SLC8A1: variants seen among roughly 807,000 people sequenced by gnomAD.
SLC8A1 encodes sodium/calcium exchanger 1.
A neutral mutation model predicts 68.3 loss-of-function variants in SLC8A1; 18 were observed. The observed-to-expected ratio is 0.26, with a 90% CI of 0.18 to 0.39. The LOEUF (loss-of-function observed/expected upper bound fraction) is 0.39, where lower values mean the gene tolerates loss of function less well. Ranked by LOEUF, SLC8A1 falls within the 10% of genes least tolerant of loss-of-function variation. The pLI is 1.00. For synonymous variants in SLC8A1, 475 were observed against 415.5 expected, an observed-to-expected ratio of 1.14 and a Z score of -1.74; for missense variants, 985 against 1,156.7, an observed-to-expected ratio of 0.85 and a Z score of 2.15.
chr2:40,301,460 G>C (rs1009105496), intron 2 of SLC8A1, among the ~76,000 whole-genome samples: 2 of 152,292 alleles, frequency 1.3e-5, no homozygotes, highest in Non-Finnish European at 2.9e-5. Context: ...GAGGGAACTG[G>C]AGACTATTAT....
At chr2:40,502,005 A>T (rs1269564157) in intron 1 of SLC8A1, among the ~76,000 whole-genome samples, 1 of 152,052 alleles carries the variant, frequency 6.6e-6, no homozygotes, top group African/African-American at 2.4e-5. Context: ...ACGTCTTAAC[A>T]TCATCCTCAC....
intron 2 of SLC8A1, among the ~76,000 whole-genome samples, chr2:40,396,748 T>TAAAAAAAAAAAAACAAAAA (rs1687032611): frequency 1.1e-5 from 1 of 87,086 alleles, no homozygotes; most frequent in Non-Finnish European, 2.1e-5. Flanking sequence ...CTCTAATAAC[T>TAAAAAAAAAAAAACAAAAA]AAAAAAAAAA....
chr2:40,395,101 A>G (rs1686498273), intron 2 of SLC8A1, among the ~76,000 whole-genome samples: 1 of 152,198 alleles, frequency 6.6e-6, no homozygotes, highest in South Asian at 2.1e-4. Context: ...GTGCTCTTTA[A>G]GACAAAAGTT....
chr2:40,229,353 A>C (rs2059365472), intron 2 of SLC8A1, among the ~76,000 whole-genome samples: 1 of 152,184 alleles, frequency 6.6e-6, no homozygotes, highest in African/African-American at 2.4e-5. Flanking sequence ...ATAAATAAAT[A>C]TATTTGTAAT....
intron 2 of SLC8A1, among the ~76,000 whole-genome samples, chr2:40,306,964 G>C (rs1487402272): frequency 6.6e-6 from 1 of 151,952 alleles, no homozygotes; most frequent in Non-Finnish European, 1.5e-5. Flanking sequence ...TTCTGTTTTA[G>C]TCCATAAGTT....
At chr2:40,451,698 C>CCT (rs1702517274) in intron 1 of SLC8A1, among the ~76,000 whole-genome samples, 1 of 151,216 alleles carries the variant, frequency 6.6e-6, no homozygotes, top group African/African-American at 2.4e-5. Flanking sequence ...CTGGGAAGCG[C>CCT]GGACACCCAG....
chr2:40,242,066 T>C (rs1270198834), intron 2 of SLC8A1, among the ~76,000 whole-genome samples: 1 of 152,132 alleles, frequency 6.6e-6, no homozygotes, highest in Non-Finnish European at 1.5e-5. Context: ...GGCTATGATG[T>C]CTCCATTTTG....
chr2:40,356,627 A>T (rs1672743828), intron 2 of SLC8A1, among the ~76,000 whole-genome samples: 1 of 152,134 alleles, frequency 6.6e-6, no homozygotes, highest in Non-Finnish European at 1.5e-5. Flanking sequence ...TGCCTGTCAA[A>T]TGTATTGGAT....
At chr2:40,377,883 T>A (rs1197228862) in intron 2 of SLC8A1, among the ~76,000 whole-genome samples, 3 of 152,150 alleles carry the variant, frequency 2.0e-5, no homozygotes, top group Non-Finnish European at 4.4e-5. Context: ...TTGTGTCCTA[T>A]GGTCATCAAT....
At chr2:40,127,587 T>A (rs2038407685) in intron 7 of SLC8A1, among the ~76,000 whole-genome samples, 1 of 152,220 alleles carries the variant, frequency 6.6e-6, no homozygotes, top group Admixed American at 6.5e-5. Context: ...AGGCTATGAT[T>A]AATCCTCTGG....
At chr2:40,109,993 C>A (rs1389431429) in exon 8 of SLC8A1, 1 of 152,166 alleles carries the variant, frequency 6.6e-6, no homozygotes, top group African/African-American at 2.4e-5. Flanking sequence ...TACATAACCA[C>A]TGATTTAAAT....
exon 8 of SLC8A1, chr2:40,113,023 T>C (rs1045794374): frequency 1.3e-5 from 2 of 152,366 alleles, no homozygotes; most frequent in Non-Finnish European, 1.5e-5. Flanking sequence ...CCATATGGCT[T>C]TCTTCACTTT....
At chr2:40,456,586 A>C (rs1703037716), upstream of SLC8A1, among the ~76,000 whole-genome samples, 2 of 152,148 alleles carry the variant, frequency 1.3e-5, no homozygotes, top group Admixed American at 1.3e-4. Context: ...GAAGCTTTTT[A>C]ACCTCTTAAA....
chr2:40,252,481 C>T (rs1005230128), intron 2 of SLC8A1, among the ~76,000 whole-genome samples: 7 of 152,038 alleles, frequency 4.6e-5, no homozygotes, highest in African/African-American at 7.2e-5. Flanking sequence ...GACAGGCGCC[C>T]GCCACCAAGC....
rs866761846 is a variant in SLC8A1 at position 40,328,195 on chromosome 2, T to C, written c.1808+100278A>G. Among the ~76,000 whole-genome samples the C allele has an allele frequency of 2.6e-5, 4 of 152,132 alleles. No individual in the cohort carries two copies. The South Asian group carries it at 8.3e-4, about 31-fold the overall frequency. The stretch of plus-strand genomic sequence containing the variant: ...GAGTAAAAAGAAAAGAAATTAACCA[T>C]TCCAAGGAATTTTCTGTGACTTAAA... On this transcript the variant is annotated intron_variant, in intron 2 of 7. Coordinates refer to ENST00000406785, the Ensembl canonical transcript of SLC8A1.
intron 1 of SLC8A1, among the ~76,000 whole-genome samples, chr2:40,464,852 T>A (rs1411228426): frequency 6.6e-6 from 1 of 152,156 alleles, no homozygotes; most frequent in Non-Finnish European, 1.5e-5. Flanking sequence ...AAAGAGTCCA[T>A]CTCAGTGGGG....
intron 2 of SLC8A1, among the ~76,000 whole-genome samples, chr2:40,311,987 C>T (rs948925476): frequency 2.0e-5 from 3 of 152,094 alleles, no homozygotes; most frequent in Non-Finnish European, 2.9e-5. Context: ...CCCCTTCCCT[C>T]CTCCCTTGCG....
chr2:40,133,694 G>T (rs1300110052), intron 7 of SLC8A1, among the ~76,000 whole-genome samples: 2 of 122,092 alleles, frequency 1.6e-5, no homozygotes, highest in African/African-American at 6.3e-5. Context: ...ACTTAATGGG[G>T]CAAAAATCCC....
chr2:40,211,561 G>C (rs2056591917), intron 2 of SLC8A1, among the ~76,000 whole-genome samples: 1 of 152,194 alleles, frequency 6.6e-6, no homozygotes, highest in African/African-American at 2.4e-5. Context: ...TAGGTGGTGG[G>C]AAGAGAAACA....
Sources: allele counts gnomAD v4.1 joint callset (sites outside exome capture counted in the v4.1 genomes callset), GRCh38; gene constraint gnomAD v4.1.1; transcripts MANE v1.5; gene names NCBI Gene and HGNC (gene_info 2026-07-23, HGNC 2026-07-21).